Variants in UBXN7 observed in about 807,000 individuals in gnomAD.
UBXN7 encodes UBX domain-containing protein 7.
Under a neutral mutation model 58.0 loss-of-function variants are expected in UBXN7, and 9 were observed. That is an observed-to-expected ratio of 0.16 (90% confidence interval 0.09 to 0.27). The LOEUF is 0.27. UBXN7 is among the 10% of genes least tolerant of loss of function. The pLI, the probability that UBXN7 is intolerant of heterozygous loss-of-function variation, is 1.00. For synonymous variants in UBXN7, 208 were observed against 205.0 expected (o/e 1.01, Z -0.12); for missense variants, 328 against 599.6 (o/e 0.55, Z 4.73).
At chr3:196,359,203 A>G (rs751409253) in intron 10 of UBXN7, among the ~76,000 whole-genome samples, 1 of 152,036 alleles carries the variant, frequency 6.6e-6, no homozygotes, top group Non-Finnish European at 1.5e-5. Flanking sequence ...TATCTATTAT[A>G]ATGAACTGTG....
chr3:196,361,643 G>A (rs1477957105), intron 10 of UBXN7, among the ~76,000 whole-genome samples: 1 of 152,142 alleles, frequency 6.6e-6, no homozygotes, highest in African/African-American at 2.4e-5. Context: ...ACTCACTGAA[G>A]ATTCAGGGGA....
intron 5 of UBXN7, among the ~76,000 whole-genome samples, chr3:196,381,233 C>T (rs933550924): frequency 3.9e-5 from 6 of 152,180 alleles, no homozygotes; most frequent in African/African-American, 1.4e-4. Context: ...CAGTAGGGGC[C>T]GACAGACACC....
chr3:196,380,333 T>C (rs956795750), intron 5 of UBXN7, among the ~76,000 whole-genome samples: 1 of 151,652 alleles, frequency 6.6e-6, no homozygotes, highest in Non-Finnish European at 1.5e-5. Context: ...TGCTGTTTAG[T>C]AAGCAAACAT....
At chr3:196,412,245 A>G (rs549264127) in intron 1 of UBXN7, among the ~76,000 whole-genome samples, 127 of 104,450 alleles carry the variant, frequency 1.2e-3, no homozygotes, top group African/African-American at 3.9e-3. Context: ...AAAAAAAAAA[A>G]AAAAGAAAAA....
At chr3:196,384,115 G>A (rs1729299454) in intron 5 of UBXN7, among the ~76,000 whole-genome samples, 1 of 152,130 alleles carries the variant, frequency 6.6e-6, no homozygotes, top group African/African-American at 2.4e-5. Flanking sequence ...TGATCAAGGT[G>A]ATATCACCAC....
intron 1 of UBXN7, among the ~76,000 whole-genome samples, chr3:196,427,422 A>G (rs1305209595): frequency 6.6e-6 from 1 of 151,926 alleles, no homozygotes; most frequent in Admixed American, 6.6e-5. Context: ...GGTTCACGAG[A>G]TTCTCCTGCC....
chr3:196,390,030 G>T (rs1729528176), intron 5 of UBXN7, among the ~76,000 whole-genome samples: 1 of 151,870 alleles, frequency 6.6e-6, no homozygotes, highest in African/African-American at 2.4e-5. Flanking sequence ...CCAGCCTGGG[G>T]AACACAGCAA....
At chr3:196,429,029 T>C (rs78917145) in intron 1 of UBXN7, among the ~76,000 whole-genome samples, 1 of 110,216 alleles carries the variant, frequency 9.1e-6, no homozygotes, top group East Asian at 3.1e-4. Context: ...AAAAAAAAAA[T>C]CAAAAATCCG....
intron 1 of UBXN7, chr3:196,431,694 C>A: frequency 2.6e-6 from 1 of 377,756 alleles, no homozygotes; most frequent in Non-Finnish European, 5.3e-6. Flanking sequence ...TCATTCTTCC[C>A]TCAAAGCCTC....
intron 8 of UBXN7, among the ~76,000 whole-genome samples, chr3:196,367,796 C>G (rs1221207200): frequency 6.6e-6 from 1 of 152,156 alleles, no homozygotes; most frequent in East Asian, 1.9e-4. Flanking sequence ...TGCCTGCACT[C>G]TAGCTGCAAG....
intron 1 of UBXN7, among the ~76,000 whole-genome samples, chr3:196,428,852 T>C (rs1477761242): frequency 1.3e-5 from 2 of 151,180 alleles, no homozygotes; most frequent in African/African-American, 2.4e-5. Context: ...TTTTATGATA[T>C]TGTCTTTTTA....
At chr3:196,363,086 T>C (rs1294687887) in intron 8 of UBXN7, among the ~76,000 whole-genome samples, 2 of 151,080 alleles carry the variant, frequency 1.3e-5, no homozygotes, top group East Asian at 3.9e-4. Flanking sequence ...TATTTATTTA[T>C]TTTTTTGTAT....
chr3:196,395,900 G>A (rs1380627660), intron 3 of UBXN7, among the ~76,000 whole-genome samples: 1 of 152,102 alleles, frequency 6.6e-6, no homozygotes, highest in African/African-American at 2.4e-5. Context: ...CTAGTACGTG[G>A]GACAACAGGC....
At chr3:196,364,129 T>C (rs1728588812) in intron 8 of UBXN7, among the ~76,000 whole-genome samples, 1 of 152,212 alleles carries the variant, frequency 6.6e-6, no homozygotes, top group Admixed American at 6.5e-5. Flanking sequence ...TTCATTATGA[T>C]AACAAGAAAT....
chr3:196,378,249 T>C (rs1317976794), intron 5 of UBXN7, among the ~76,000 whole-genome samples: 4 of 152,202 alleles, frequency 2.6e-5, no homozygotes, highest in African/African-American at 9.6e-5. Flanking sequence ...CTCTTACTTA[T>C]AGAACCTCCA....
chr3:196,402,996 G>A lies in UBXN7; in HGVS notation c.245C>T (p.Pro82Leu). 1 of 1,596,496 alleles carries A rather than the reference G, an allele frequency of 6.3e-7. No individual in the cohort carries two copies. The highest frequency in any genetic ancestry group is 8.5e-7 in the Non-Finnish European group (1 of 1,176,268). Residue 82 changes from proline to leucine, a missense_variant, in exon 3 of 11, where the codon CCT becomes CTT. Coordinates refer to ENST00000296328, the MANE Select transcript of UBXN7 (RefSeq NM_015562.2). ...HTEEEVRAPI[P>L]QKQEILVEPE... ...TTCCACCAGTATTTCCTGCTTTTGA[G>A]GAATTGGGGCACGAACTTCTTCTCT...
In UBXN7 at chr3:196,362,462, C is replaced by A; in HGVS notation, c.1060G>T (p.Asp354Tyr). The change falls in exon 9 of 11, where the codon GAT (aspartate) becomes TAT (tyrosine). Residue 354 changes from aspartate (D) to tyrosine (Y), a missense_variant. Asp to Tyr is a radical substitution (Grantham distance 160, BLOSUM62 -3). Coordinates refer to ENST00000296328, the MANE Select transcript of UBXN7 (RefSeq NM_015562.2). ...TTCTCCTCTTTTCTATGCCCCAAAT[C>A]TTTGTGGGGAGACTTTCTGGACTTG... is the stretch of plus-strand genomic sequence containing the variant. ...LAKSRKSPHK[D>Y]LGHRKEENRR... The A allele has an allele frequency of 6.2e-7, 1 of 1,614,154 alleles. No individual in the cohort carries two copies. Among genetic ancestry groups the A allele is most frequent in the South Asian group, 1.1e-5 (1 of 91,084 alleles).
chr3:196,418,281 G>C (rs1251656280), intron 1 of UBXN7, among the ~76,000 whole-genome samples: 1 of 132,676 alleles, frequency 7.5e-6, no homozygotes, highest in Admixed American at 8.2e-5. Flanking sequence ...AGGGAAGGAG[G>C]GAAAGAGAGA....
intron 1 of UBXN7, among the ~76,000 whole-genome samples, chr3:196,421,682 C>A (rs967998851): frequency 1.3e-5 from 2 of 151,594 alleles, no homozygotes; most frequent in Non-Finnish European, 2.9e-5. Flanking sequence ...GAGGCTGAGG[C>A]AGGAGAACAG....
Sources: allele counts gnomAD v4.1 joint callset (sites outside exome capture counted in the v4.1 genomes callset), GRCh38; gene constraint gnomAD v4.1.1; transcripts MANE v1.5; gene names NCBI Gene and HGNC (gene_info 2026-07-23, HGNC 2026-07-21).